SLC1A2: variants seen among roughly 807,000 people sequenced by gnomAD.
The protein encoded by SLC1A2 is excitatory amino acid transporter 2.
SLC1A2 carries 15 observed loss-of-function variants against 48.8 expected under a neutral mutation model. The observed-to-expected ratio is 0.31, with a 90% CI of 0.21 to 0.47. The LOEUF (loss-of-function observed/expected upper bound fraction) is 0.47. Ranked by LOEUF, SLC1A2 falls within the 20% of genes least tolerant of loss-of-function variation. The pLI is 0.99. For synonymous variants in SLC1A2, 279 were observed against 272.6 expected, an observed-to-expected ratio of 1.02 and a Z score of -0.23; for missense variants, 502 against 730.5, an observed-to-expected ratio of 0.69 and a Z score of 3.61.
At chr11:35,269,272 A>T (rs1850202960) in intron 9 of SLC1A2, among the ~76,000 whole-genome samples, 1 of 152,094 alleles carries the variant, frequency 6.6e-6, no homozygotes, top group African/African-American at 2.4e-5. Flanking sequence ...TAAGAAATAA[A>T]TTTTTGCTGT....
At chr11:35,321,312 G>T (rs1028538882) in intron 1 of SLC1A2, among the ~76,000 whole-genome samples, 2 of 152,148 alleles carry the variant, frequency 1.3e-5, no homozygotes, top group African/African-American at 2.4e-5. Context: ...ATCAAGGGTG[G>T]AGGAGAAGGA....
chr11:35,279,753 T>A (rs1850563193), intron 9 of SLC1A2, among the ~76,000 whole-genome samples: 1 of 152,212 alleles, frequency 6.6e-6, no homozygotes, highest in South Asian at 2.1e-4. Flanking sequence ...AGTGTCCTCA[T>A]CTATAAAGTG....
At chr11:35,326,958 C>T (rs1335171108) in intron 1 of SLC1A2, among the ~76,000 whole-genome samples, 3 of 152,114 alleles carry the variant, frequency 2.0e-5, no homozygotes, top group African/African-American at 7.2e-5. Context: ...CTGGAGGAAC[C>T]CCTTAATATA....
chr11:35,270,064 G>T (rs1850236387), intron 9 of SLC1A2, among the ~76,000 whole-genome samples: 1 of 152,158 alleles, frequency 6.6e-6, no homozygotes, highest in East Asian at 1.9e-4. Context: ...TCAAGATTGT[G>T]CCATTGCACT....
At chr11:35,277,854 T>C (rs957905201) in intron 9 of SLC1A2, among the ~76,000 whole-genome samples, 1 of 152,244 alleles carries the variant, frequency 6.6e-6, no homozygotes, top group African/African-American at 2.4e-5. Flanking sequence ...CTATTTGCTC[T>C]GTCTCTAGAC....
chr11:35,397,235 A>C (rs887855761), intron 1 of SLC1A2, among the ~76,000 whole-genome samples: 3 of 150,262 alleles, frequency 2.0e-5, no homozygotes, highest in Admixed American at 6.7e-5. Flanking sequence ...ATCCTAAGCC[A>C]AAAGAACAAA....
intron 10 of SLC1A2, 161 bp downstream of exon 10, chr11:35,265,366 A>C (rs1209006416): frequency 1.7e-6 from 1 of 594,962 alleles, no homozygotes; most frequent in Non-Finnish European, 3.0e-6. Context: ...TTAGACACAG[A>C]ATTAGATGAT....
At chr11:35,381,133 C>T (rs899726731) in intron 1 of SLC1A2, among the ~76,000 whole-genome samples, 2 of 152,088 alleles carry the variant, frequency 1.3e-5, no homozygotes, top group East Asian at 3.9e-4. Flanking sequence ...TTATTTTCAT[C>T]ATTCGGGCAG....
chr11:35,278,825 C>A (rs891937991), intron 9 of SLC1A2, among the ~76,000 whole-genome samples: 6 of 151,896 alleles, frequency 4.0e-5, no homozygotes, highest in African/African-American at 1.5e-4. Flanking sequence ...TTGAGACCAG[C>A]CTGACCAACA....
At chr11:35,373,186 C>G (rs757300239) in intron 1 of SLC1A2, among the ~76,000 whole-genome samples, 5 of 152,200 alleles carry the variant, frequency 3.3e-5, no homozygotes, top group Non-Finnish European at 7.4e-5. Flanking sequence ...GGAGCAGGGC[C>G]CAGTCACAGG....
At chr11:35,359,053 C>G (rs1853588638) in intron 1 of SLC1A2, among the ~76,000 whole-genome samples, 1 of 152,184 alleles carries the variant, frequency 6.6e-6, no homozygotes, top group South Asian at 2.1e-4. Context: ...ATCGCTGACA[C>G]TTTTACTTTA....
intron 7 of SLC1A2, among the ~76,000 whole-genome samples, chr11:35,288,120 A>G (rs896208937): frequency 5.3e-5 from 8 of 152,192 alleles, no homozygotes; most frequent in Non-Finnish European, 1.0e-4. Flanking sequence ...GGGAAGCTAA[A>G]TGAAATGAAG....
At chr11:35,364,476 C>A (rs116818431) in intron 1 of SLC1A2, among the ~76,000 whole-genome samples, 119 of 152,342 alleles carry the variant, frequency 7.8e-4, no homozygotes, top group African/African-American at 2.7e-3. Context: ...TGGCTCTAAT[C>A]ATTTGGTGAA....
intron 3 of SLC1A2, 110 bp from the exon 4 acceptor site, chr11:35,312,558 G>T: frequency 8.0e-7 from 1 of 1,244,210 alleles, no homozygotes; most frequent in Non-Finnish European, 1.1e-6. Context: ...GTTAATGGTT[G>T]ATTAAATCTC....
At chr11:35,265,475 C>T (rs756053013) in intron 10 of SLC1A2, 52 bp downstream of exon 10, 311 of 835,684 alleles carry the variant, frequency 3.7e-4, no homozygotes, top group Non-Finnish European at 5.6e-4. Context: ...TTAAAGAAAT[C>T]AAGCATGCAC....
At chr11:35,419,954 G>A, upstream of SLC1A2, 2 of 469,860 alleles carry the variant, frequency 4.3e-6, no homozygotes, top group African/African-American at 2.0e-5. This position sits in a 1 kb window ranked among gnomAD's most constrained non-coding sequence, Gnocchi z 5.4. Context: ...CCCACGTCTG[G>A]GGGTCCCAGG....
intron 1 of SLC1A2, among the ~76,000 whole-genome samples, chr11:35,334,791 T>A (rs768263697): frequency 6.6e-6 from 1 of 152,080 alleles, no homozygotes; most frequent in Admixed American, 6.5e-5. Flanking sequence ...GACTCACAGC[T>A]TGTAGAGTCT....
chr11:35,321,557 T>G (rs1188008432), intron 1 of SLC1A2, among the ~76,000 whole-genome samples: 2 of 152,036 alleles, frequency 1.3e-5, no homozygotes, highest in Non-Finnish European at 2.9e-5. Flanking sequence ...CATGTTGATT[T>G]TTACATGGAT....
rs2134717582 is a variant in SLC1A2 at position 35,286,762 on chromosome 11, A to T, written c.1281T>A (p.Thr427=). 3 of 1,611,416 alleles carry T rather than the reference A, an allele frequency of 1.9e-6. No individual in the cohort carries two copies. In the Admixed American group the frequency reaches 5.0e-5, roughly 27 times the overall value. The change falls in exon 8 of 11, where the codon ACT becomes ACA. Residue 427 remains threonine, a synonymous_variant. Transcript: ENST00000278379. The part of the protein sequence containing the change: ...GVVLDGGQIV[T]VSLTATLASV... ...TTTTACCCCACCCTTCTCACCTTAC[A>T]GTCACAATCTGTCCTCCATCCAGGA...
Sources: allele counts gnomAD v4.1 joint callset (sites outside exome capture counted in the v4.1 genomes callset), GRCh38; gene constraint gnomAD v4.1.1; non-coding constraint Gnocchi (gnomAD v3.1); transcripts MANE v1.5; gene names NCBI Gene and HGNC (gene_info 2026-07-23, HGNC 2026-07-21).